The following TNFRSF1B variants were observed in gnomAD, a reference collection of about 807,000 sequenced individuals.
The protein encoded by TNFRSF1B is TNF receptor superfamily member 1B, also known as tumor necrosis factor receptor superfamily member 1B.
In TNFRSF1B, 19 loss-of-function variants were observed where a neutral mutation model predicts 44.6. That is an observed-to-expected ratio of 0.43 (90% confidence interval 0.30 to 0.62). The LOEUF (loss-of-function observed/expected upper bound fraction) is 0.62. Ranked by LOEUF, TNFRSF1B falls within the 20% of genes least tolerant of loss-of-function variation. The pLI, the probability that TNFRSF1B is intolerant of heterozygous loss-of-function variation, is 0.16. For synonymous variants in TNFRSF1B, 252 were observed against 261.1 expected (o/e 0.97, Z 0.34); for missense variants, 541 against 619.9 (o/e 0.87, Z 1.35).
rs1039230857 is a variant in TNFRSF1B at position 12,177,417 on chromosome 1, T to C, written c.78+10248T>C. On this transcript the variant is annotated intron_variant, in intron 1 of 9. Transcript: ENST00000376259. The surrounding 1 kb of genome is among the most constrained non-coding windows in gnomAD (Gnocchi z 4.3). ...CCGCTGGCTGGTTACCCCGGCTGGG[T>C]TGGGCAGGAGTCTGGGCAGGGCTGG... is the stretch of plus-strand genomic sequence containing the variant. Among the ~76,000 whole-genome samples, 2 of 152,112 alleles carry C rather than the reference T, an allele frequency of 1.3e-5. No individual in the cohort carries two copies. The highest frequency in any genetic ancestry group is 2.9e-5 in the Non-Finnish European group (2 of 68,010).
At chr1:12,185,204 C>T (rs368381809) in intron 1 of TNFRSF1B, among the ~76,000 whole-genome samples, 25 of 152,304 alleles carry the variant, frequency 1.6e-4, no homozygotes, top group African/African-American at 5.8e-4. Flanking sequence ...GCCATGAGCC[C>T]CCTCCGCCAC....
At chr1:12,175,699 C>A (rs1638639496) in intron 1 of TNFRSF1B, among the ~76,000 whole-genome samples, 1 of 152,170 alleles carries the variant, frequency 6.6e-6, no homozygotes, top group Non-Finnish European at 1.5e-5. Context: ...ATCCCATTCT[C>A]CCTGGACATC....
At chr1:12,173,357 C>T in intron 1 of TNFRSF1B, among the ~76,000 whole-genome samples, 1 of 152,174 alleles carries the variant, frequency 6.6e-6, no homozygotes, top group Admixed American at 6.5e-5. Flanking sequence ...TCCCCAGCTT[C>T]TCTTCTTCTT....
At position 12,180,893 on chromosome 1, in the gene TNFRSF1B, ACT is replaced by A. The variant is rs1638785571; in HGVS notation, c.79-7900_79-7899del. Among the ~76,000 whole-genome samples the A allele has an allele frequency of 1.3e-5, 2 of 151,884 alleles. No homozygotes were observed. Among genetic ancestry groups the A allele is most frequent in the African/African-American group, 4.8e-5 (2 of 41,324 alleles). On this transcript the variant is annotated intron_variant, in intron 1 of 9. Transcript: ENST00000376259. The surrounding 1 kb of genome is among the most constrained non-coding windows in gnomAD (Gnocchi z 4.3). ...CCCTGGGTTTTGTCCACTCACCCAG[ACT>A]CTGTTTTGGGGTCACATTACCCTTC...
At chr1:12,204,163 G>A (rs572057642) in intron 9 of TNFRSF1B, among the ~76,000 whole-genome samples, 7 of 151,894 alleles carry the variant, frequency 4.6e-5, no homozygotes, top group South Asian at 2.1e-4. Flanking sequence ...CCCCCAGCCC[G>A]TGTCCCTGGC....
At position 12,167,082 on chromosome 1, in the gene TNFRSF1B, G is replaced by A; in HGVS notation, c.-10G>A. ...CGAGGGCAGGGGGCAACCGGACCCC[G>A]CCCGCACCCATGGCGCCCGTCGCCG... is the stretch of plus-strand genomic sequence containing the variant. On this transcript the variant is annotated 5_prime_UTR_variant, in exon 1 of 10. Coordinates refer to ENST00000376259, the MANE Select transcript of TNFRSF1B (RefSeq NM_001066.3). The A allele has an allele frequency of 7.6e-7, 1 of 1,320,164 alleles. No homozygotes were observed. The highest frequency in any genetic ancestry group is 9.7e-7 in the Non-Finnish European group (1 of 1,033,126). 81.8% of individuals were successfully genotyped at this position (1,320,164 alleles called of 1,614,324 possible).
intron 1 of TNFRSF1B, among the ~76,000 whole-genome samples, 168 bp from the exon 2 acceptor site, chr1:12,188,628 G>A (rs590943): frequency 0.017 from 2,597 of 152,190 alleles, 77 homozygotes; most frequent in African/African-American, 0.059. Flanking sequence ...AAGAAGGCAC[G>A]AGCTCTCCTT....
At chr1:12,184,195 C>T (rs1638921908) in intron 1 of TNFRSF1B, among the ~76,000 whole-genome samples, 1 of 152,154 alleles carries the variant, frequency 6.6e-6, no homozygotes, top group Non-Finnish European at 1.5e-5. Flanking sequence ...CCTGGGGGGC[C>T]CCTGTACTGA....
At chr1:12,174,193 T>TCTC (rs1638595847) in intron 1 of TNFRSF1B, among the ~76,000 whole-genome samples, 1 of 116,882 alleles carries the variant, frequency 8.6e-6, no homozygotes, top group African/African-American at 3.6e-5. Context: ...TCCTTCTCCT[T>TCTC]CTCCTTCTCC....
chr1:12,205,351 C>A (rs1486764189), intron 9 of TNFRSF1B, among the ~76,000 whole-genome samples: 1 of 151,780 alleles, frequency 6.6e-6, no homozygotes, highest in Admixed American at 6.6e-5. Flanking sequence ...GGTCTTGGAG[C>A]GGCAGGAGAG....
rs749124537 is a variant in TNFRSF1B at position 12,192,979 on chromosome 1, G to A, written c.668G>A (p.Arg223Gln). 19 of 1,614,020 alleles carry A rather than the reference G, an allele frequency of 1.2e-5. No individual in the cohort carries two copies. The highest frequency in any genetic ancestry group is 5.3e-5 in the African/African-American group (4 of 74,894). Residue 223 changes from arginine (R) to glutamine (Q), a missense_variant, in exon 6 of 10, where the codon CGA becomes CAA. By Grantham distance (43) the Arg-to-Gln change is conservative (BLOSUM62 1). Transcript: ENST00000376259. ...AVHLPQPVST[R>Q]SQHTQPTPEP... ...CACTTACCCCAGCCAGTGTCCACAC[G>A]ATCCCAACACACGCAGCCAACTCCA...
Position 12,191,187 on chromosome 1 carries a change from G to A in TNFRSF1B, c.307+102G>A, listed in dbSNP as rs1238769598. 3 of 1,487,956 alleles carry A rather than the reference G, an allele frequency of 2.0e-6. No homozygotes were observed. In the African/African-American group the frequency reaches 4.2e-5, roughly 21 times the overall value. The allele number at this position is 1,487,956 out of a possible 1,614,324, so 92.2% of individuals were successfully genotyped here. On this transcript the variant is annotated intron_variant, in intron 3 of 9. Coordinates refer to ENST00000376259, the MANE Select transcript of TNFRSF1B (RefSeq NM_001066.3). ...TTCCAGCTGTCTGGAGTTACCCCAG[G>A]CTGGTTGTTGGAAGTGGCACAGGTG... is the stretch of plus-strand genomic sequence containing the variant.
At position 12,191,393 on chromosome 1, in the gene TNFRSF1B, TGGGAAGAGCGGGACTGCG is replaced by T. The variant is rs1238662907; in HGVS notation, c.307+324_307+341del. Among the ~76,000 whole-genome samples, 15 of 150,024 alleles carry T rather than the reference TGGGAAGAGCGGGACTGCG, an allele frequency of 1.0e-4. No individual in the cohort carries two copies. The South Asian group carries it at 1.9e-3, about 19-fold the overall frequency. ...GGACTGCGGGGAGGAGCGAAACTGC[TGGGAAGAGCGGGACTGCG>T]GGGAAGAGCGGGACTTCGGGGAGGA... On this transcript the variant is annotated intron_variant, in intron 3 of 9. Coordinates refer to ENST00000376259, the MANE Select transcript of TNFRSF1B (RefSeq NM_001066.3).
chr1:12,172,753 T>C (rs993043309), intron 1 of TNFRSF1B, among the ~76,000 whole-genome samples: 2 of 152,266 alleles, frequency 1.3e-5, no homozygotes. Flanking sequence ...GGACACTGTA[T>C]TGTGGCAAAG....
At chr1:12,200,434 G>T (rs979108084) in intron 8 of TNFRSF1B, among the ~76,000 whole-genome samples, 3 of 152,026 alleles carry the variant, frequency 2.0e-5, no homozygotes, top group Non-Finnish European at 2.9e-5. Context: ...TCTCTGTAAA[G>T]GGCCAGATGG....
chr1:12,192,014 A>T (rs1639147105), intron 4 of TNFRSF1B, 91 bp downstream of exon 4: 5 of 1,498,710 alleles, frequency 3.3e-6, no homozygotes, highest in Non-Finnish European at 4.5e-6. Context: ...CCCATTAATT[A>T]GTCCAGCAGG....
rs867614997 is a variant in TNFRSF1B, at chr1:12,196,951, C to T, written c.900+2333C>T. 1.1e-3 allele frequency among the ~76,000 whole-genome samples: 157 copies of T among 143,228 alleles called. 1 individual carries two copies. Among genetic ancestry groups the T allele is most frequent in the African/African-American group, 4.0e-3 (152 of 38,188 alleles). 94.0% of individuals were successfully genotyped at this position (143,228 alleles called of 152,430 possible). A position where few individuals can be genotyped will look rare whatever the true frequency, so the allele number is the denominator to read the frequency against. ...TGCTTCCCTTTTCCATTTTTTTTTT[C>T]TTTCTTTCTTTTTTTTTTTTTGAGA... On this transcript the variant is annotated intron_variant, in intron 8 of 9. Coordinates refer to ENST00000376259, the MANE Select transcript of TNFRSF1B (RefSeq NM_001066.3).
rs980202212 is a variant in TNFRSF1B at position 12,171,557 on chromosome 1, A to T, written c.78+4388A>T. ...ATAATGCTCTTGACCTATTCTATTT[A>T]TTTCACTTTTATTATGTCTTCCCAC... On this transcript the variant is annotated intron_variant, in intron 1 of 9. Transcript: ENST00000376259. This position sits in a 1 kb window ranked among gnomAD's most constrained non-coding sequence, Gnocchi z 4.5. 2.0e-5 allele frequency among the ~76,000 whole-genome samples: 3 copies of T among 152,018 alleles called. No homozygotes were observed. Among genetic ancestry groups the T allele is most frequent in the African/African-American group, 7.2e-5 (3 of 41,392 alleles).
In TNFRSF1B at chr1:12,187,567, C is replaced by T. The variant is rs1400721424; in HGVS notation, c.79-1229C>T. On this transcript the variant is annotated intron_variant, in intron 1 of 9. Coordinates refer to ENST00000376259, the MANE Select transcript of TNFRSF1B (RefSeq NM_001066.3). This position sits in a 1 kb window ranked among gnomAD's most constrained non-coding sequence, Gnocchi z 5.5. Reference sequence around the variant, plus strand: ...GACCCAGGTCCAAACCCTTCTCTGTCACTTACCAGGTCTGGGACCTTGGGC... The same window carrying T: ...GACCCAGGTCCAAACCCTTCTCTGTTACTTACCAGGTCTGGGACCTTGGGC... 6.6e-6 allele frequency among the ~76,000 whole-genome samples: 1 copy of T among 152,242 alleles called. No homozygotes were observed. Among genetic ancestry groups the T allele is most frequent in the Non-Finnish European group, 1.5e-5 (1 of 68,042 alleles).
Sources: allele counts gnomAD v4.1 joint callset (sites outside exome capture counted in the v4.1 genomes callset), GRCh38; gene constraint gnomAD v4.1.1; non-coding constraint Gnocchi (gnomAD v3.1); transcripts MANE v1.5; gene names NCBI Gene and HGNC (gene_info 2026-07-23, HGNC 2026-07-21).